The following RBFOX1 variants were observed in gnomAD, a reference collection of about 807,000 sequenced individuals.
RBFOX1 encodes RNA binding fox-1 homolog 1, also known as RNA binding protein fox-1 homolog 1.
RBFOX1 carries 8 observed loss-of-function variants against 57.7 expected under a neutral mutation model. That is an observed-to-expected ratio of 0.14 (90% CI 0.08 to 0.25). The LOEUF is 0.25. Among genes scored for constraint, RBFOX1 ranks in the 10% least tolerant of loss-of-function variants. RBFOX1 has a pLI of 1.00. For missense variants in RBFOX1, 611 were observed against 548.5 expected (o/e 1.11, Z -1.14); for synonymous variants, 326 against 222.4 (o/e 1.47, Z -4.15).
chr16:5,974,018 C>G (rs1367744426), intron 4 of RBFOX1, among the ~76,000 whole-genome samples: 2 of 152,186 alleles, frequency 1.3e-5, no homozygotes, highest in Non-Finnish European at 2.9e-5. Context: ...CTCATTTCCT[C>G]ATTTGTAAAA....
At chr16:5,282,355 A>G (rs1007882597) in intron 1 of RBFOX1, among the ~76,000 whole-genome samples, 3 of 152,232 alleles carry the variant, frequency 2.0e-5, no homozygotes, top group African/African-American at 7.2e-5. Flanking sequence ...AATTGGTACC[A>G]GAAGTGGGGT....
intron 4 of RBFOX1, among the ~76,000 whole-genome samples, chr16:7,440,675 G>T (rs987392162): frequency 6.6e-6 from 1 of 152,162 alleles, no homozygotes; most frequent in Non-Finnish European, 1.5e-5. Flanking sequence ...TCAGGTGAAT[G>T]AGTAACACAG....
rs557801101 is a variant in RBFOX1, at chr16:6,903,292, G to A, written c.-15-148765G>A. 3.3e-5 allele frequency among the ~76,000 whole-genome samples: 5 copies of A among 152,256 alleles called. No individual in the cohort carries two copies. The East Asian group carries it at 5.8e-4, about 18-fold the overall frequency. On this transcript the variant is annotated intron_variant, in intron 3 of 15. Coordinates refer to ENST00000550418, the MANE Select transcript of RBFOX1 (RefSeq NM_018723.4). ...GCTCATATGGCCAGGAGGGCTGACCGTTCCTAGAGAGGTCAGCAGCCCTTA... is the reference window on the plus strand; with the variant it reads ...GCTCATATGGCCAGGAGGGCTGACCATTCCTAGAGAGGTCAGCAGCCCTTA...
chr16:6,262,382 T>C (rs1442490562), intron 1 of RBFOX1, among the ~76,000 whole-genome samples: 1 of 152,024 alleles, frequency 6.6e-6, no homozygotes, highest in Non-Finnish European at 1.5e-5. Context: ...AAGTAGTAGA[T>C]ATTATGGCGG....
At chr16:6,957,124 A>T (rs1295406402) in intron 3 of RBFOX1, among the ~76,000 whole-genome samples, 2 of 145,936 alleles carry the variant, frequency 1.4e-5, no homozygotes, top group Admixed American at 6.8e-5. Flanking sequence ...ATTTTTATTT[A>T]TTTATTTATT....
intron 2 of RBFOX1, among the ~76,000 whole-genome samples, chr16:6,490,013 C>T (rs4238868): frequency 0.23 from 35,147 of 152,100 alleles, 4,741 homozygotes; most frequent in Non-Finnish European, 0.3. Flanking sequence ...TTCTAGAGAG[C>T]CCCATGTGGT....
intron 3 of RBFOX1, among the ~76,000 whole-genome samples, chr16:6,680,448 A>G (rs943613682): frequency 1.3e-5 from 2 of 151,818 alleles, no homozygotes; most frequent in Non-Finnish European, 1.5e-5. Context: ...TATTTTTAGT[A>G]GAGACGAGGT....
At chr16:6,654,444 A>G (rs1027860948) in intron 2 of RBFOX1, among the ~76,000 whole-genome samples, 159 bp from the exon 3 acceptor site, 6 of 152,194 alleles carry the variant, frequency 3.9e-5, no homozygotes, top group African/African-American at 9.7e-5. Flanking sequence ...TGTACCTTTA[A>G]AAAGCACTAT....
At chr16:5,279,327 G>A (rs1170107417) in intron 1 of RBFOX1, among the ~76,000 whole-genome samples, 1 of 151,316 alleles carries the variant, frequency 6.6e-6, no homozygotes, top group African/African-American at 2.4e-5. Flanking sequence ...TCCCATCCTT[G>A]GGTAAGTTTA....
At chr16:5,341,580 C>A (rs1304518763) in intron 1 of RBFOX1, among the ~76,000 whole-genome samples, 1 of 152,160 alleles carries the variant, frequency 6.6e-6, no homozygotes, top group Non-Finnish European at 1.5e-5. Flanking sequence ...TTCATGGACA[C>A]ACAACGTGAG....
chr16:5,277,589 C>G (rs1392110745), intron 1 of RBFOX1, among the ~76,000 whole-genome samples: 1 of 152,162 alleles, frequency 6.6e-6, no homozygotes, highest in Non-Finnish European at 1.5e-5. Context: ...CCTCTGGTAA[C>G]TATCATTCTA....
At chr16:7,242,555 A>T (rs914846234) in intron 4 of RBFOX1, among the ~76,000 whole-genome samples, 2 of 152,216 alleles carry the variant, frequency 1.3e-5, no homozygotes, top group Non-Finnish European at 2.9e-5. Context: ...AACACGTGGC[A>T]ACTTGGACAT....
chr16:6,865,987 A>T (rs1031280209), intron 3 of RBFOX1, among the ~76,000 whole-genome samples: 1 of 152,176 alleles, frequency 6.6e-6, no homozygotes. Flanking sequence ...GAAAAAAACA[A>T]TCGGGGAAAA....
intron 4 of RBFOX1, among the ~76,000 whole-genome samples, chr16:7,334,270 T>C (rs1046017967): frequency 6.6e-6 from 1 of 152,128 alleles, no homozygotes; most frequent in Non-Finnish European, 1.5e-5. Flanking sequence ...TTCTCTGTAT[T>C]ACCTGTTATA....
intron 3 of RBFOX1, among the ~76,000 whole-genome samples, chr16:6,891,397 A>C (rs1230184686): frequency 6.6e-6 from 1 of 152,158 alleles, no homozygotes; most frequent in African/African-American, 2.4e-5. Flanking sequence ...AGTTCTGAAA[A>C]CCCAGAAACC....
intron 4 of RBFOX1, among the ~76,000 whole-genome samples, chr16:5,980,563 G>C (rs1013740019): frequency 1.3e-5 from 2 of 152,186 alleles, no homozygotes; most frequent in African/African-American, 4.8e-5. Context: ...GTTAAGTAGA[G>C]AAAATTGGAC....
chr16:7,591,480 A>G (rs2094440919), intron 7 of RBFOX1, among the ~76,000 whole-genome samples: 1 of 152,230 alleles, frequency 6.6e-6, no homozygotes, highest in African/African-American at 2.4e-5. Context: ...AAAGAACAAT[A>G]ACTAGGATAC....
chr16:6,082,706 A>G (rs975640027), intron 1 of RBFOX1, among the ~76,000 whole-genome samples: 5 of 152,136 alleles, frequency 3.3e-5, no homozygotes, highest in East Asian at 1.9e-4. Flanking sequence ...GGAAGGGACA[A>G]TGTTCTCTGA....
At chr16:6,582,474 T>TTTTC (rs1555574131) in intron 2 of RBFOX1, among the ~76,000 whole-genome samples, 4 of 150,308 alleles carry the variant, frequency 2.7e-5, no homozygotes, top group African/African-American at 9.7e-5. Context: ...TTTTTTTTTT[T>TTTTC]CAATTTTTAG....
Sources: gnomAD v4.1 joint callset for allele counts (sites outside exome capture counted in the v4.1 genomes callset) on GRCh38, gnomAD v4.1.1 for gene constraint, MANE v1.5 for transcripts, NCBI Gene and HGNC (gene_info 2026-07-23, HGNC 2026-07-21) for gene names.